Variants in ERMP1 observed in about 807,000 individuals in gnomAD.
ERMP1 encodes the protein endoplasmic reticulum metallopeptidase 1.
A neutral mutation model predicts 92.0 loss-of-function variants in ERMP1; 86 were observed. The ratio of observed to expected loss-of-function variants is 0.93; its 90% confidence interval spans 0.79 to 1.12. The LOEUF (loss-of-function observed/expected upper bound fraction) is 1.12, where lower values mean the gene tolerates loss of function less well. ERMP1 is among the 50% of genes most tolerant of loss of function. The pLI, the probability that ERMP1 is intolerant of heterozygous loss-of-function variation, is 0.00. For synonymous variants in ERMP1, 530 were observed against 412.8 expected, an observed-to-expected ratio of 1.28 and a Z score of -3.44; for missense variants, 1,342 against 1,116.3, an observed-to-expected ratio of 1.20 and a Z score of -2.88.
Position 5,812,740 on chromosome 9 carries a change from A to G in ERMP1, c.1021+149T>C. 3 of 874,822 alleles carry G rather than the reference A, an allele frequency of 3.4e-6. No individual in the cohort carries two copies. In the South Asian group the frequency reaches 4.4e-5, roughly 13 times the overall value. The allele number at this position is 874,822 out of a possible 1,614,324, so 54.2% of individuals were successfully genotyped here. On this transcript the variant is annotated intron_variant, in intron 5 of 14. Transcript: ENST00000339450. ...AATTAGTATGGAGTTTAAAAAAGGA[A>G]ACAAACTCTGTTTTAGTGAGTCAAT...
chr9:5,848,847 G>C (rs370756478), intron 6 of ERMP1, among the ~76,000 whole-genome samples: 6 of 152,300 alleles, frequency 3.9e-5, no homozygotes, highest in East Asian at 1.9e-4. Flanking sequence ...GAGTGGGTGA[G>C]GACTGGTTCA....
chr9:5,865,457 G>A (rs1475293503), intron 5 of ERMP1, among the ~76,000 whole-genome samples: 6 of 150,958 alleles, frequency 4.0e-5, no homozygotes, highest in Non-Finnish European at 5.9e-5. Flanking sequence ...GCAGTGAGCC[G>A]AGATCGCGCC....
At chr9:5,828,052 C>T (rs951148498) in intron 2 of ERMP1, among the ~76,000 whole-genome samples, 1 of 152,132 alleles carries the variant, frequency 6.6e-6, no homozygotes, top group Admixed American at 6.5e-5. Context: ...ACCTGTAATC[C>T]CAGCACTTTG....
At chr9:5,808,834 C>A (rs367892093) in intron 8 of ERMP1, among the ~76,000 whole-genome samples, 32 of 152,184 alleles carry the variant, frequency 2.1e-4, no homozygotes, top group African/African-American at 7.5e-4. Context: ...ATCTCATGGG[C>A]TCAGGTAATC....
intron 4 of ERMP1, among the ~76,000 whole-genome samples, chr9:5,820,949 C>G (rs1397692819): frequency 6.6e-6 from 1 of 152,024 alleles, no homozygotes; most frequent in Non-Finnish European, 1.5e-5. Flanking sequence ...CAGAAAGCAC[C>G]CAGAAAGCTT....
intron 6 of ERMP1, among the ~76,000 whole-genome samples, chr9:5,847,104 G>A (rs150310804): frequency 3.9e-5 from 6 of 152,294 alleles, no homozygotes; most frequent in African/African-American, 1.4e-4. Flanking sequence ...GGGAAGAGAC[G>A]CCAGTAAATT....
At chr9:5,794,868 CAG>C (rs539951383) in intron 13 of ERMP1, among the ~76,000 whole-genome samples, 312 of 152,226 alleles carry the variant, frequency 2.0e-3, no homozygotes, top group African/African-American at 7.0e-3. Flanking sequence ...TTTCAGAAGA[CAG>C]AAGCAGAGGG....
intron 8 of ERMP1, 103 bp downstream of exon 8, chr9:5,809,908 A>G (rs1055761664): frequency 1.3e-6 from 1 of 765,554 alleles, no homozygotes. Flanking sequence ...ATGCTGAACA[A>G]TTTTTTAGCA....
intron 5 of ERMP1, among the ~76,000 whole-genome samples, chr9:5,863,857 G>A (rs1038773741): frequency 6.6e-6 from 1 of 152,020 alleles, no homozygotes; most frequent in Non-Finnish European, 1.5e-5. Flanking sequence ...TACAGTATGG[G>A]CATTTTCTGG....
At chr9:5,834,703 A>ATGTGTGTGTGTGTGTG (rs766269385), upstream of ERMP1, among the ~76,000 whole-genome samples, 430 of 122,986 alleles carry the variant, frequency 3.5e-3, 14 homozygotes, top group East Asian at 5.9e-3. Flanking sequence ...GTATGTATAT[A>ATGTGTGTGTGTGTGTG]TGTGTGTGTG....
chr9:5,850,375 A>G (rs58029167), intron 6 of ERMP1, among the ~76,000 whole-genome samples: 39,267 of 128,872 alleles, frequency 0.3, 5,862 homozygotes, highest in East Asian at 0.59. Context: ...ATTGCACTCC[A>G]GCCTGGGCGA....
intron 13 of ERMP1, 67 bp downstream of exon 13, chr9:5,797,750 C>A: frequency 1.1e-6 from 1 of 941,022 alleles, no homozygotes; most frequent in African/African-American, 1.7e-5. Context: ...GAGGGAAAAA[C>A]ATACATGCCA....
chr9:5,805,180 C>A lies in ERMP1; in HGVS notation c.1761G>T (p.Gly587=), dbSNP rs766707713. The A allele has an allele frequency of 8.1e-6, 13 of 1,610,400 alleles. No individual in the cohort carries two copies. The East Asian group carries it at 2.9e-4, about 36-fold the overall frequency. Reference sequence around the variant, plus strand: ...ATGCATAAAGATAAGGAATAAACATCCCCAAAAGGTAAAAAGCAATAAATT... The same window carrying A: ...ATGCATAAAGATAAGGAATAAACATACCCAAAAGGTAAAAAGCAATAAATT... ...QGKFIAFYLL[G]MFIPYLYALY... is the part of the protein sequence containing the mutation. Residue 587 remains glycine (G), a synonymous_variant, in exon 10 of 15, where the codon GGG becomes GGT. Transcript: ENST00000339450.
chr9:5,805,298 G>C (rs1828828040), intron 9 of ERMP1, 81 bp from the exon 10 acceptor site: 4 of 1,078,494 alleles, frequency 3.7e-6, no homozygotes, highest in South Asian at 1.7e-5. Flanking sequence ...GTGTGCCTTG[G>C]TACCCTAACA....
intron 4 of ERMP1, among the ~76,000 whole-genome samples, chr9:5,823,260 G>C (rs1829608682): frequency 6.6e-6 from 1 of 152,078 alleles, no homozygotes; most frequent in Non-Finnish European, 1.5e-5. Flanking sequence ...CTGGGTGACA[G>C]AGCATGGCTC....
intron 2 of ERMP1, among the ~76,000 whole-genome samples, chr9:5,829,978 T>G (rs947740541): frequency 1.3e-5 from 2 of 152,238 alleles, no homozygotes; most frequent in African/African-American, 4.8e-5. Context: ...CATCAGGCAC[T>G]GTCCTAAATG....
At chr9:5,860,177 T>G (rs1446578906) in intron 5 of ERMP1, among the ~76,000 whole-genome samples, 2 of 150,824 alleles carry the variant, frequency 1.3e-5, no homozygotes, top group Non-Finnish European at 3.0e-5. Context: ...TGGTAGTGCA[T>G]ACCTGTAGTC....
At chr9:5,836,606 G>C (rs762010061), upstream of ERMP1, among the ~76,000 whole-genome samples, 1 of 152,208 alleles carries the variant, frequency 6.6e-6, no homozygotes, top group African/African-American at 2.4e-5. Context: ...TAAAGGTTCA[G>C]GGTACACCAT....
At chr9:5,846,548 G>C (rs1276554522) in intron 6 of ERMP1, among the ~76,000 whole-genome samples, 1 of 152,192 alleles carries the variant, frequency 6.6e-6, no homozygotes, top group African/African-American at 2.4e-5. Flanking sequence ...ATGTCAGATA[G>C]ATTCCTCTTG....
Sources: allele counts gnomAD v4.1 joint callset (sites outside exome capture counted in the v4.1 genomes callset), GRCh38; gene constraint gnomAD v4.1.1; transcripts MANE v1.5; gene names NCBI Gene and HGNC (gene_info 2026-07-23, HGNC 2026-07-21).